TRIM26: variants seen among roughly 807,000 people sequenced by gnomAD.
The protein encoded by TRIM26 is tripartite motif containing 26.
A neutral mutation model predicts 45.5 loss-of-function variants in TRIM26; 16 were observed. That is an observed-to-expected ratio of 0.35 (90% confidence interval 0.24 to 0.53). TRIM26 has a LOEUF of 0.53. TRIM26 is among the 20% of genes least tolerant of loss of function. The pLI is 0.92. For synonymous variants in TRIM26, 273 were observed against 290.4 expected, an observed-to-expected ratio of 0.94 and a Z score of 0.61; for missense variants, 442 against 691.1, an observed-to-expected ratio of 0.64 and a Z score of 4.04.
chr6:30,201,187 T>A (rs567951421), intron 2 of TRIM26, 49 bp from the exon 3 acceptor site: 1 of 152,280 alleles, frequency 6.6e-6, no homozygotes, highest in South Asian at 2.1e-4. Flanking sequence ...ATGGTGAAAG[T>A]CCATCACAAC....
Position 30,190,096 on chromosome 6 carries a change from T to C in TRIM26, c.766-61A>G. 1 of 1,567,972 alleles carries C rather than the reference T, an allele frequency of 6.4e-7. No individual in the cohort carries two copies. Among genetic ancestry groups the C allele is most frequent in the Non-Finnish European group, 8.8e-7 (1 of 1,140,788 alleles). On this transcript the variant is annotated intron_variant, in intron 6 of 9. Coordinates refer to ENST00000454678, the MANE Select transcript of TRIM26 (RefSeq NM_003449.5). This position sits in a 1 kb window ranked among gnomAD's most constrained non-coding sequence, Gnocchi z 4.3. ...GAATCAAATAAGACTTCAATGCATC[T>C]GCACCCAACACTGTAGCAGAGATGG...
rs2074471 is a variant in TRIM26 at position 30,189,025 on chromosome 6, G to A, written c.937+142C>T. On this transcript the variant is annotated intron_variant, in intron 9 of 9. Transcript: ENST00000454678. This position sits in a 1 kb window ranked among gnomAD's most constrained non-coding sequence, Gnocchi z 5.0. ...AGGCTGATTAGAAAGTGCAAAGAGG[G>A]AGGGGGGCTTCTATTGTGCAGCTGG... 0.028 allele frequency: 24,242 copies of A among 867,072 alleles called. 578 individuals are homozygous for A. The highest frequency in any genetic ancestry group is 0.091 in the Admixed American group (4,000 of 43,878). The allele number at this position is 867,072 out of a possible 1,614,324, so 53.7% of individuals were successfully genotyped here. A position where few individuals can be genotyped will look rare whatever the true frequency, so the allele number is the denominator to read the frequency against.
intron 2 of TRIM26, among the ~76,000 whole-genome samples, chr6:30,204,073 G>T (rs1777472870): frequency 6.6e-6 from 1 of 152,172 alleles, no homozygotes; most frequent in South Asian, 2.1e-4. Flanking sequence ...TAGTTGTATA[G>T]AACCATTTGT....
rs1775592158 is a variant in TRIM26 at position 30,189,524 on chromosome 6, C to T, written c.798G>A (p.Arg266=). 1 of 1,612,574 alleles carries T rather than the reference C, an allele frequency of 6.2e-7. No individual in the cohort carries two copies. ...DTRDFLNRYP[R]KKFWVGKPIA... is the part of the protein sequence containing the mutation. ...TGGGTTTCCCAACCCAGAACTTCTT[C>T]CGTGGATACCTAAGAAGATGACATA... Residue 266 remains arginine, a synonymous_variant, in exon 8 of 10, where the codon CGG becomes CGA. Transcript: ENST00000454678. This position sits in a 1 kb window ranked among gnomAD's most constrained non-coding sequence, Gnocchi z 5.0.
At chr6:30,200,495 T>G (rs1777055800) in intron 3 of TRIM26, among the ~76,000 whole-genome samples, 1 of 152,220 alleles carries the variant, frequency 6.6e-6, no homozygotes, top group South Asian at 2.1e-4. Context: ...GGAGCACAGC[T>G]TAGCCTCAGT....
rs532927337 is a variant in TRIM26 at position 30,185,116 on chromosome 6, C to G, written c.*760G>C. Reference sequence around the variant, plus strand: ...CAAGATGTTCTGGATTCTTAAAACTCCCCTCACAAGGACCAATCTAGAGAT... The same window carrying G: ...CAAGATGTTCTGGATTCTTAAAACTGCCCTCACAAGGACCAATCTAGAGAT... On this transcript the variant is annotated 3_prime_UTR_variant, in exon 10 of 10. Coordinates refer to ENST00000454678, the MANE Select transcript of TRIM26 (RefSeq NM_003449.5). The surrounding 1 kb of genome is among the most constrained non-coding windows in gnomAD (Gnocchi z 5.7). 6.6e-6 allele frequency: 1 copy of G among 152,326 alleles called. No individual in the cohort carries two copies. Among genetic ancestry groups the G allele is most frequent in the South Asian group, 2.1e-4 (1 of 4,820 alleles). The allele number at this position is 152,326 out of a possible 1,614,324, so 9.4% of individuals were successfully genotyped here.
In TRIM26 at chr6:30,196,505, C is replaced by T. The variant is rs760728822; in HGVS notation, c.765+11G>A. 20 of 1,603,062 alleles carry T rather than the reference C, an allele frequency of 1.2e-5. No homozygotes were observed. Among genetic ancestry groups the T allele is most frequent in the Middle Eastern group, 3.4e-4 (2 of 5,890 alleles). On this transcript the variant is annotated intron_variant, in intron 6 of 9. Transcript: ENST00000454678. This position sits in a 1 kb window ranked among gnomAD's most constrained non-coding sequence, Gnocchi z 4.9. Reference sequence around the variant, plus strand: ...TGGTCCCTGGCGCCCTGCCCAGGGACGGCCTCTCACCTGCATGAGCTCTGC... The same window carrying T: ...TGGTCCCTGGCGCCCTGCCCAGGGATGGCCTCTCACCTGCATGAGCTCTGC...
In TRIM26 at chr6:30,203,576, C is replaced by T. The variant is rs577605412; in HGVS notation, c.-266+1080G>A. On this transcript the variant is annotated intron_variant, in intron 2 of 9. Transcript: ENST00000454678. ...GATTACAGGTGCCCACCACCACATCCGGCTAATTTTTTGTAGTTTTAGTAG... is the reference window on the plus strand; with the variant it reads ...GATTACAGGTGCCCACCACCACATCTGGCTAATTTTTTGTAGTTTTAGTAG... 4.2e-4 allele frequency among the ~76,000 whole-genome samples: 64 copies of T among 151,916 alleles called. No individual in the cohort carries two copies. The South Asian group carries it at 6.3e-3, about 15-fold the overall frequency.
intron 1 of TRIM26, among the ~76,000 whole-genome samples, chr6:30,210,278 C>G (rs1030915030): frequency 1.3e-5 from 2 of 151,996 alleles, no homozygotes; most frequent in East Asian, 3.9e-4. Context: ...ACCCATCCAG[C>G]CCCAAATCCC....
In TRIM26 at chr6:30,189,423, A is replaced by G. The variant is rs762750445; in HGVS notation, c.899T>C (p.Phe300Ser). The change falls in exon 8 of 10, where the codon TTC becomes TCC. Residue 300 changes from phenylalanine (F) to serine (S), a missense_variant. Transcript: ENST00000454678. The surrounding 1 kb of genome is among the most constrained non-coding windows in gnomAD (Gnocchi z 5.0). The stretch of plus-strand genomic sequence containing the variant: ...GTGCGCTCCCCAACCCTTACCCTGG[A>G]ATTCCCTCAGGCCTCGTTGCAGAGA... ...LLSLQRGLRE[F>S]QGKLLRDLEY... The G allele has an allele frequency of 6.2e-7, 1 of 1,612,650 alleles. No individual in the cohort carries two copies. The highest frequency in any genetic ancestry group is 8.5e-7 in the Non-Finnish European group (1 of 1,179,816).
chr6:30,198,818 G>C lies in TRIM26; in HGVS notation c.286C>G (p.Gln96Glu). The change falls in exon 4 of 10, where the codon CAG becomes GAG. Residue 96 changes from glutamine to glutamate, a missense_variant. Coordinates refer to ENST00000454678, the MANE Select transcript of TRIM26 (RefSeq NM_003449.5). The surrounding 1 kb of genome is among the most constrained non-coding windows in gnomAD (Gnocchi z 6.3). The stretch of plus-strand genomic sequence containing the variant: ...CGCTCGCACAACTTTGCATCCTGCT[G>C]CTCCCGGGTCACCTCTCCCGGCTGC... The part of the protein sequence containing the change: ...GRQPGEVTRE[Q>E]QDAKLCERHR... 1.9e-6 allele frequency: 3 copies of C among 1,611,808 alleles called. No homozygotes were observed. The highest frequency in any genetic ancestry group is 2.5e-6 in the Non-Finnish European group (3 of 1,179,962).
At position 30,196,475 on chromosome 6, in the gene TRIM26, C is replaced by T. The variant is rs771339101; in HGVS notation, c.765+41G>A. ...AGTGAATGGCAGGGCTGGGACCCAC[C>T]GTCCTGGTCCCTGGCGCCCTGCCCA... On this transcript the variant is annotated intron_variant, in intron 6 of 9. Transcript: ENST00000454678. The surrounding 1 kb of genome is among the most constrained non-coding windows in gnomAD (Gnocchi z 4.9). The T allele has an allele frequency of 1.7e-5, 27 of 1,580,496 alleles. No individual in the cohort carries two copies. Among genetic ancestry groups the T allele is most frequent in the Admixed American group, 8.4e-5 (5 of 59,496 alleles).
chr6:30,188,634 C>A, intron 9 of TRIM26: 1 of 224,932 alleles, frequency 4.4e-6, no homozygotes, highest in Non-Finnish European at 9.2e-6. Flanking sequence ...CTCAATGGTT[C>A]TCACGAAAGC....
At position 30,196,636 on chromosome 6, in the gene TRIM26, C is replaced by G; in HGVS notation, c.645G>C (p.Gln215His). 1 of 1,614,214 alleles carries G rather than the reference C, an allele frequency of 6.2e-7. No homozygotes were observed. Among genetic ancestry groups the G allele is most frequent in the South Asian group, 1.1e-5 (1 of 91,084 alleles). ...HLLEQLAKLE[Q>H]ELTEGREKFK... ...ACTTCTCCCTGCCCTCCGTGAGCTC[C>G]TGCTCCAGCTTCGCCAGCTGTTCCA... The change falls in exon 6 of 10, where the codon CAG becomes CAC. Residue 215 changes from glutamine (Q) to histidine (H), a missense_variant. Physicochemically the swap from Gln to His is conservative, Grantham distance 24. Transcript: ENST00000454678. The surrounding 1 kb of genome is among the most constrained non-coding windows in gnomAD (Gnocchi z 4.9).
At chr6:30,193,156 G>A (rs879657503) in intron 6 of TRIM26, among the ~76,000 whole-genome samples, 726 of 49,764 alleles carry the variant, frequency 0.015, 12 homozygotes, top group African/African-American at 0.039. Context: ...GTGTGTGTGT[G>A]TGTGTGTATA....
At chr6:30,210,562 C>A (rs1778184508) in intron 1 of TRIM26, among the ~76,000 whole-genome samples, 1 of 152,176 alleles carries the variant, frequency 6.6e-6, no homozygotes. Context: ...TAGCACCCCC[C>A]ATCCGCTAAA....
chr6:30,198,316 C>A lies in TRIM26; in HGVS notation c.534+113G>T. On this transcript the variant is annotated intron_variant, in intron 5 of 9. Transcript: ENST00000454678. The surrounding 1 kb of genome is among the most constrained non-coding windows in gnomAD (Gnocchi z 6.3). ...CTGCTACTGCCAGGCTGACACCCAT[C>A]CTCCCTGTGAGCAGCGCCTAGAAAC... The A allele has an allele frequency of 8.7e-7, 1 of 1,143,240 alleles. No homozygotes were observed. The highest frequency in any genetic ancestry group is 1.3e-6 in the Non-Finnish European group (1 of 775,224). 70.8% of individuals were successfully genotyped at this position (1,143,240 alleles called of 1,614,324 possible).
Position 30,196,604 on chromosome 6 carries a change from C to T in TRIM26, c.677G>A (p.Ser226Asn). 1 of 1,613,842 alleles carries T rather than the reference C, an allele frequency of 6.2e-7. No homozygotes were observed. The highest frequency in any genetic ancestry group is 8.5e-7 in the Non-Finnish European group (1 of 1,180,040). Residue 226 changes from serine (S) to asparagine (N), a missense_variant, in exon 6 of 10, where the codon AGC (serine) becomes AAC (asparagine). Ser to Asn is a conservative substitution (Grantham distance 46, BLOSUM62 1). Transcript: ENST00000454678. This position sits in a 1 kb window ranked among gnomAD's most constrained non-coding sequence, Gnocchi z 4.9. ...CCGGGCAAGCTCCCCGACGCCCCGGCTCTTGAACTTCTCCCTGCCCTCCGT... is the reference window on the plus strand; with the variant it reads ...CCGGGCAAGCTCCCCGACGCCCCGGTTCTTGAACTTCTCCCTGCCCTCCGT... Reference protein sequence around the residue: ...ELTEGREKFKSRGVGELARLA... With the variant: ...ELTEGREKFKNRGVGELARLA...
chr6:30,187,317 T>G lies in TRIM26; in HGVS notation c.938-759A>C, dbSNP rs1775292028. On this transcript the variant is annotated intron_variant, in intron 9 of 9. Transcript: ENST00000454678. ...ACTTCAGCAATTTTATTGCACAAAT[T>G]AAGCTGTCATCCACGGGATTAGAAA... 1.9e-5 allele frequency: 6 copies of G among 315,284 alleles called. No individual in the cohort carries two copies. In the South Asian group the frequency reaches 2.0e-4, roughly 11 times the overall value. The allele number at this position is 315,284 out of a possible 1,614,324, so 19.5% of individuals were successfully genotyped here. A position where few individuals can be genotyped will look rare whatever the true frequency, so the allele number is the denominator to read the frequency against.
Sources: allele counts gnomAD v4.1 joint callset (sites outside exome capture counted in the v4.1 genomes callset), GRCh38; gene constraint gnomAD v4.1.1; non-coding constraint Gnocchi (gnomAD v3.1); transcripts MANE v1.5; gene names NCBI Gene and HGNC (gene_info 2026-07-23, HGNC 2026-07-21).